Variants in FBXO42 observed in about 807,000 individuals in gnomAD.
FBXO42 encodes F-box protein 42, also known as F-box only protein 42.
Under a neutral mutation model 71.7 loss-of-function variants are expected in FBXO42, and 12 were observed. The ratio of observed to expected loss-of-function variants is 0.17; its 90% CI spans 0.11 to 0.27. The LOEUF (loss-of-function observed/expected upper bound fraction) is 0.27, where lower values mean the gene tolerates loss of function less well. Among genes scored for constraint, FBXO42 ranks in the 10% least tolerant of loss-of-function variants. The pLI is 1.00. For missense variants in FBXO42, 707 were observed against 911.9 expected (o/e 0.78, Z 2.89); for synonymous variants, 325 against 327.5 (o/e 0.99, Z 0.08).
intron 4 of FBXO42, among the ~76,000 whole-genome samples, chr1:16,282,537 T>TA (rs35509397): frequency 0.029 from 4,287 of 146,738 alleles, 197 homozygotes; most frequent in African/African-American, 0.099. Context: ...TTTTCTCTTT[T>TA]AAAAAAAAAA....
At chr1:16,257,222 G>A (rs2081656407) in intron 4 of FBXO42, among the ~76,000 whole-genome samples, 1 of 152,188 alleles carries the variant, frequency 6.6e-6, no homozygotes. Flanking sequence ...GAGGCTGGAT[G>A]TCTGGATGCA....
intron 4 of FBXO42, among the ~76,000 whole-genome samples, chr1:16,258,821 C>T (rs549581943): frequency 6.6e-5 from 10 of 152,218 alleles, no homozygotes; most frequent in Admixed American, 3.3e-4. Context: ...ACTGCAGCCT[C>T]GACTTCCTCA....
chr1:16,297,553 C>T (rs2082143222), intron 3 of FBXO42, among the ~76,000 whole-genome samples: 1 of 152,098 alleles, frequency 6.6e-6, no homozygotes, highest in Non-Finnish European at 1.5e-5. Context: ...ATGGTATCCC[C>T]AGAACTCTAC....
chr1:16,274,145 A>G (rs139988949), intron 4 of FBXO42, among the ~76,000 whole-genome samples: 66 of 151,842 alleles, frequency 4.3e-4, no homozygotes, highest in African/African-American at 1.5e-3. Context: ...CCCCATCTCT[A>G]CAAAAACTAA....
intron 1 of FBXO42, among the ~76,000 whole-genome samples, chr1:16,330,240 G>A (rs1398529053): frequency 6.6e-6 from 1 of 152,168 alleles, no homozygotes; most frequent in Non-Finnish European, 1.5e-5. Context: ...TTTAAAGTAG[G>A]CAGGGTGCAG....
chr1:16,347,661 C>CT, intron 1 of FBXO42, among the ~76,000 whole-genome samples: 1 of 152,224 alleles, frequency 6.6e-6, no homozygotes, highest in South Asian at 2.1e-4. Context: ...TCCAGACCAG[C>CT]TTGGCCAACA....
At chr1:16,333,986 T>C (rs553015085) in intron 1 of FBXO42, among the ~76,000 whole-genome samples, 1 of 152,298 alleles carries the variant, frequency 6.6e-6, no homozygotes, top group African/African-American at 2.4e-5. Flanking sequence ...AAAATAATAA[T>C]CCATCAGAAA....
intron 1 of FBXO42, among the ~76,000 whole-genome samples, chr1:16,328,438 T>G (rs951578056): frequency 1.6e-4 from 24 of 152,232 alleles, no homozygotes. Context: ...ATTGAACGAT[T>G]AAGTAAATAG....
At chr1:16,270,829 A>G (rs1447500299) in intron 4 of FBXO42, among the ~76,000 whole-genome samples, 2 of 151,004 alleles carry the variant, frequency 1.3e-5, no homozygotes, top group Admixed American at 6.6e-5. Flanking sequence ...ACTATGTGCC[A>G]GGTACTAGAG....
chr1:16,341,934 G>A (rs955024586), intron 1 of FBXO42, among the ~76,000 whole-genome samples: 12 of 142,272 alleles, frequency 8.4e-5, no homozygotes, highest in Non-Finnish European at 1.8e-4. Flanking sequence ...TCGCGTCATT[G>A]TACTCAAGCC....
At chr1:16,329,356 G>A (rs1296455323) in intron 1 of FBXO42, among the ~76,000 whole-genome samples, 3 of 151,804 alleles carry the variant, frequency 2.0e-5, no homozygotes, top group African/African-American at 7.3e-5. Flanking sequence ...GACTGAGGCG[G>A]GTGGAGTGCC....
In FBXO42 at chr1:16,315,233, G is replaced by A. The variant is rs763803507; in HGVS notation, c.186C>T (p.Leu62=). The A allele has an allele frequency of 3.1e-6, 5 of 1,614,030 alleles. No homozygotes were observed. Among genetic ancestry groups the A allele is most frequent in the African/African-American group, 1.3e-5 (1 of 74,928 alleles). ...CAGTTTTGTGTTCCTGATACGGTGA[G>A]AGAAAGGACAGGATATACTCCAAAA... is the stretch of plus-strand genomic sequence containing the variant. ...EEVLEYILSF[L]SPYQEHKTAA... The change falls in exon 2 of 10, where the codon CTC becomes CTT. Residue 62 remains leucine (L), a synonymous_variant. Coordinates refer to ENST00000375592, the MANE Select transcript of FBXO42 (RefSeq NM_018994.3).
chr1:16,350,184 G>A (rs936370215), intron 1 of FBXO42, among the ~76,000 whole-genome samples: 3 of 151,990 alleles, frequency 2.0e-5, no homozygotes, highest in African/African-American at 7.2e-5. Context: ...GTCAAAATCT[G>A]GAGAGCAAAT....
At chr1:16,313,338 A>AAGAG (rs1346949912) in intron 2 of FBXO42, among the ~76,000 whole-genome samples, 3 of 145,440 alleles carry the variant, frequency 2.1e-5, no homozygotes, top group Admixed American at 6.9e-5. Flanking sequence ...GAAAGAAAGA[A>AAGAG]AGAAAGAAAG....
intron 1 of FBXO42, among the ~76,000 whole-genome samples, chr1:16,323,464 C>T (rs9919320): frequency 0.96 from 145,978 of 152,096 alleles, 70,320 homozygotes; most frequent in East Asian, 1. Context: ...AACTTCTTAC[C>T]GATAGATAAT....
chr1:16,289,994 T>A (rs2082062012), intron 4 of FBXO42, among the ~76,000 whole-genome samples: 1 of 152,216 alleles, frequency 6.6e-6, no homozygotes, highest in Non-Finnish European at 1.5e-5. Flanking sequence ...CTTACTTGCT[T>A]CTTGTTTCTT....
At chr1:16,332,560 G>A (rs1236992580) in intron 1 of FBXO42, among the ~76,000 whole-genome samples, 1 of 79,952 alleles carries the variant, frequency 1.3e-5, no homozygotes, top group Admixed American at 1.3e-4. Context: ...TTTTTTTTTT[G>A]AGACGGAGTT....
Position 16,247,377 on chromosome 1 carries a change from A to AGACC in FBXO42, c.*3289_*3292dup, listed in dbSNP as rs2081544670. 2 of 152,440 alleles carry AGACC rather than the reference A, an allele frequency of 1.3e-5. No homozygotes were observed. The highest frequency in any genetic ancestry group is 3.9e-4 in the East Asian group (2 of 5,190). 9.4% of individuals were successfully genotyped at this position (152,440 alleles called of 1,614,324 possible). A position where few individuals can be genotyped will look rare whatever the true frequency, so the allele number is the denominator to read the frequency against. On this transcript the variant is annotated 3_prime_UTR_variant, in exon 10 of 10. Coordinates refer to ENST00000375592, the MANE Select transcript of FBXO42 (RefSeq NM_018994.3). ...ACCACAAGGACAAGGACAGACAGAC[A>AGACC]GACCAACCAGGAATACCACTTTTAA... is the stretch of plus-strand genomic sequence containing the variant.
At chr1:16,253,053 C>G in intron 8 of FBXO42, 43 bp downstream of exon 8, 1 of 1,573,586 alleles carries the variant, frequency 6.4e-7, no homozygotes, top group Non-Finnish European at 8.7e-7. Flanking sequence ...GTTTTGAACA[C>G]TTAGTAGCAT....
Sources: allele counts gnomAD v4.1 joint callset (sites outside exome capture counted in the v4.1 genomes callset), GRCh38; gene constraint gnomAD v4.1.1; transcripts MANE v1.5; gene names NCBI Gene and HGNC (gene_info 2026-07-23, HGNC 2026-07-21).